LMNTD1: variants seen among roughly 807,000 people sequenced by gnomAD.
The protein encoded by LMNTD1 is lamin tail domain containing 1.
In LMNTD1, 35 loss-of-function variants were observed where a neutral mutation model predicts 50.9. That is an observed-to-expected ratio of 0.69 (90% CI 0.53 to 0.91). LMNTD1 has a LOEUF of 0.91. Among genes scored for constraint, LMNTD1 ranks in the 40% least tolerant of loss-of-function variants. The pLI is 0.00. For synonymous variants in LMNTD1, 153 were observed against 161.9 expected (o/e 0.94, Z 0.42); for missense variants, 470 against 475.5 (o/e 0.99, Z 0.11).
rs539858220 is a variant in LMNTD1 at position 25,580,190 on chromosome 12, G to A, written c.59-33636C>T. On this transcript the variant is annotated intron_variant, in intron 1 of 7. Coordinates refer to the LMNTD1 transcript ENST00000445693. ...GGAAAACTCCCACTTATCTGTTAAG[G>A]TTCAGATCATGCATCATCTCTATTT... Among the ~76,000 whole-genome samples, 127 of 152,200 alleles carry A rather than the reference G, an allele frequency of 8.3e-4. 1 individual carries two copies. Among genetic ancestry groups the A allele is most frequent in the Non-Finnish European group, 1.4e-3 (96 of 67,998 alleles).
chr12:25,601,713 A>T (rs1233897236), intron 1 of LMNTD1, among the ~76,000 whole-genome samples: 1 of 151,976 alleles, frequency 6.6e-6, no homozygotes, highest in African/African-American at 2.4e-5. Context: ...AAAGAAAATC[A>T]ATACCTAACC....
intron 8 of LMNTD1, among the ~76,000 whole-genome samples, chr12:25,510,705 T>G (rs557268797): frequency 3.7e-4 from 57 of 152,148 alleles, no homozygotes; most frequent in Non-Finnish European, 7.1e-4. Flanking sequence ...CATTTTATTT[T>G]TTATATTCCT....
At chr12:25,635,533 T>A (rs1172486213) in intron 1 of LMNTD1, among the ~76,000 whole-genome samples, 1 of 152,144 alleles carries the variant, frequency 6.6e-6, no homozygotes, top group East Asian at 1.9e-4. Context: ...ATGGATAGAA[T>A]CAATATTTTG....
At chr12:25,530,272 A>T (rs1297060475) in intron 4 of LMNTD1, among the ~76,000 whole-genome samples, 1 of 152,170 alleles carries the variant, frequency 6.6e-6, no homozygotes, top group East Asian at 1.9e-4. Context: ...AAAATACTTC[A>T]TCTATAATGT....
intron 1 of LMNTD1, among the ~76,000 whole-genome samples, chr12:25,560,523 A>G (rs1313526248): frequency 6.6e-6 from 1 of 152,138 alleles, no homozygotes; most frequent in East Asian, 1.9e-4. Context: ...CTTGGCAATG[A>G]GGGCTCTTTT....
intron 1 of LMNTD1, among the ~76,000 whole-genome samples, chr12:25,577,232 G>T (rs1945064491): frequency 6.6e-6 from 1 of 152,196 alleles, no homozygotes; most frequent in South Asian, 2.1e-4. Context: ...TGTGAAGAAA[G>T]TCACTGGTAG....
chr12:25,485,587 A>C (rs1405022865), intron 9 of LMNTD1, among the ~76,000 whole-genome samples: 2 of 140,302 alleles, frequency 1.4e-5, no homozygotes, highest in Non-Finnish European at 3.1e-5. Flanking sequence ...TCCCATGCCT[A>C]TGTCCTGAAT....
At chr12:25,528,000 C>G (rs1941938230) in intron 4 of LMNTD1, among the ~76,000 whole-genome samples, 1 of 151,330 alleles carries the variant, frequency 6.6e-6, no homozygotes, top group African/African-American at 2.4e-5. Context: ...TTTTGTAATC[C>G]CTGACAGGGT....
chr12:25,586,558 C>T (rs935109546), intron 1 of LMNTD1, among the ~76,000 whole-genome samples: 7 of 152,116 alleles, frequency 4.6e-5, no homozygotes, highest in South Asian at 2.1e-4. Context: ...TGCTGACCAA[C>T]GGGAGGTAGG....
intron 1 of LMNTD1, among the ~76,000 whole-genome samples, chr12:25,563,545 A>T (rs952363105): frequency 6.6e-6 from 1 of 152,160 alleles, no homozygotes; most frequent in Non-Finnish European, 1.5e-5. Flanking sequence ...TGAGGTGTCA[A>T]TTGGCCCCTA....
intron 3 of LMNTD1, 71 bp from the exon 4 acceptor site, chr12:25,546,625 C>T: frequency 1.1e-6 from 1 of 916,782 alleles, no homozygotes; most frequent in Non-Finnish European, 1.5e-6. Context: ...GGACCTAAAG[C>T]CATTATCTTT....
chr12:25,547,286 G>T, intron 3 of LMNTD1: 1 of 482,604 alleles, frequency 2.1e-6, no homozygotes, highest in Non-Finnish European at 2.7e-6. Flanking sequence ...AGACAGACTT[G>T]TAATTATATT....
chr12:25,488,683 C>A (rs1194589666), intron 9 of LMNTD1, among the ~76,000 whole-genome samples: 1 of 152,164 alleles, frequency 6.6e-6, no homozygotes, highest in Non-Finnish European at 1.5e-5. Flanking sequence ...TGAGGAACTG[C>A]GTTCCTTTGG....
At chr12:25,484,291 G>A (rs992631440) in intron 9 of LMNTD1, among the ~76,000 whole-genome samples, 3 of 151,840 alleles carry the variant, frequency 2.0e-5, no homozygotes, top group Non-Finnish European at 4.4e-5. Context: ...AAGAGACAGG[G>A]TCTCTCTATG....
intron 9 of LMNTD1, among the ~76,000 whole-genome samples, chr12:25,498,141 T>C (rs1939171282): frequency 6.6e-6 from 1 of 152,074 alleles, no homozygotes; most frequent in Admixed American, 6.5e-5. Flanking sequence ...ACAAATAGGG[T>C]CAACATTAAT....
At chr12:25,543,146 A>T (rs1361969629) in intron 4 of LMNTD1, among the ~76,000 whole-genome samples, 1 of 152,030 alleles carries the variant, frequency 6.6e-6, no homozygotes, top group Non-Finnish European at 1.5e-5. Flanking sequence ...TTTACCACCA[A>T]GAAATTCCAG....
At chr12:25,635,356 A>G (rs543499725) in intron 1 of LMNTD1, among the ~76,000 whole-genome samples, 2 of 152,286 alleles carry the variant, frequency 1.3e-5, no homozygotes, top group African/African-American at 4.8e-5. Flanking sequence ...CCAAGTGGAG[A>G]ATCAAACTAA....
intron 1 of LMNTD1, among the ~76,000 whole-genome samples, chr12:25,569,726 C>T (rs988671825): frequency 6.6e-6 from 1 of 151,952 alleles, no homozygotes; most frequent in Non-Finnish European, 1.5e-5. Context: ...TGTATAGCAC[C>T]CCCTGCCCAC....
chr12:25,631,565 G>A (rs1197530969), intron 1 of LMNTD1, among the ~76,000 whole-genome samples: 5 of 152,142 alleles, frequency 3.3e-5, no homozygotes, highest in African/African-American at 1.2e-4. Flanking sequence ...ACTGCAGTTC[G>A]GCTCACAGGA....
Sources: allele counts gnomAD v4.1 joint callset (sites outside exome capture counted in the v4.1 genomes callset), GRCh38; gene constraint gnomAD v4.1.1; transcripts MANE v1.5; gene names NCBI Gene and HGNC (gene_info 2026-07-23, HGNC 2026-07-21).